AGBL4: variants seen among roughly 807,000 people sequenced by gnomAD.
The protein encoded by AGBL4 is cytosolic carboxypeptidase 6.
In AGBL4, 58 loss-of-function variants were observed where a neutral mutation model predicts 66.4. The observed-to-expected ratio is 0.87, with a 90% CI of 0.71 to 1.09. AGBL4 has a LOEUF of 1.09. Among genes scored for constraint, AGBL4 ranks in the 50% least tolerant of loss-of-function variants. The pLI is 0.00. For missense variants in AGBL4, 579 were observed against 631.0 expected (o/e 0.92, Z 0.88); for synonymous variants, 234 against 222.9 (o/e 1.05, Z -0.44).
At chr1:49,540,239 T>C (rs904902009) in intron 3 of AGBL4, among the ~76,000 whole-genome samples, 1 of 152,236 alleles carries the variant, frequency 6.6e-6, no homozygotes, top group Non-Finnish European at 1.5e-5. Flanking sequence ...ATGTTACAAT[T>C]AGCCAATCTT....
At chr1:49,581,402 A>G (rs934235488) in intron 3 of AGBL4, among the ~76,000 whole-genome samples, 4 of 152,136 alleles carry the variant, frequency 2.6e-5, no homozygotes, top group African/African-American at 9.7e-5. Context: ...TGAGGGCATC[A>G]TATCACCTCA....
intron 1 of AGBL4, among the ~76,000 whole-genome samples, chr1:49,929,201 T>TGG (rs1421483538): frequency 6.6e-6 from 1 of 152,008 alleles, no homozygotes; most frequent in Non-Finnish European, 1.5e-5. Flanking sequence ...AACCACCTAT[T>TGG]GGGTAACAGG....
chr1:48,815,250 T>C (rs1182340290), intron 6 of AGBL4, among the ~76,000 whole-genome samples: 1 of 152,216 alleles, frequency 6.6e-6, no homozygotes, highest in Non-Finnish European at 1.5e-5. Context: ...CTCCAGGGAC[T>C]GATTATTCCA....
intron 11 of AGBL4, among the ~76,000 whole-genome samples, chr1:48,574,433 C>T (rs1432722267): frequency 6.6e-6 from 1 of 152,146 alleles, no homozygotes; most frequent in Non-Finnish European, 1.5e-5. Flanking sequence ...ACACTTTATA[C>T]ACTGATGAAT....
intron 6 of AGBL4, among the ~76,000 whole-genome samples, chr1:48,716,258 C>G (rs932451245): frequency 6.6e-6 from 1 of 152,088 alleles, no homozygotes; most frequent in African/African-American, 2.4e-5. Flanking sequence ...TGGTTTCTTG[C>G]GGTTGAGGAG....
chr1:49,630,884 A>G (rs555654305), intron 3 of AGBL4, among the ~76,000 whole-genome samples: 1 of 152,346 alleles, frequency 6.6e-6, no homozygotes, highest in South Asian at 2.1e-4. Flanking sequence ...TAATCGTTAA[A>G]TAGCTAACCA....
chr1:48,640,183 C>T (rs1444357964), intron 8 of AGBL4, among the ~76,000 whole-genome samples: 1 of 152,136 alleles, frequency 6.6e-6, no homozygotes, highest in African/African-American at 2.4e-5. Flanking sequence ...ACATTAGGAC[C>T]ATTCTAGAAA....
chr1:48,959,949 G>A (rs886432334), intron 5 of AGBL4, among the ~76,000 whole-genome samples: 5 of 152,164 alleles, frequency 3.3e-5, no homozygotes, highest in African/African-American at 1.2e-4. Context: ...AAGCCACTGA[G>A]GGATTCTTAG....
intron 3 of AGBL4, among the ~76,000 whole-genome samples, chr1:49,449,727 A>C (rs534098247): frequency 6.6e-6 from 1 of 152,058 alleles, no homozygotes; most frequent in South Asian, 2.1e-4. Flanking sequence ...CAATTTTTTT[A>C]AATTTCTGGA....
chr1:49,787,510 A>G (rs1337443423), intron 2 of AGBL4, among the ~76,000 whole-genome samples: 2 of 152,108 alleles, frequency 1.3e-5, no homozygotes, highest in African/African-American at 2.4e-5. Flanking sequence ...CTCAAAAAAA[A>G]AAAAAAAAAA....
intron 6 of AGBL4, among the ~76,000 whole-genome samples, chr1:48,758,307 A>G (rs1229462445): frequency 6.6e-6 from 1 of 152,180 alleles, no homozygotes; most frequent in Non-Finnish European, 1.5e-5. Context: ...GCACATTTGC[A>G]TTATTCCTCT....
chr1:49,898,149 C>T (rs986347032), intron 1 of AGBL4, among the ~76,000 whole-genome samples: 2 of 151,886 alleles, frequency 1.3e-5, no homozygotes, highest in East Asian at 1.9e-4. Context: ...GCACAGCAAA[C>T]GAAATAATCA....
chr1:49,891,658 T>A lies in AGBL4; in HGVS notation c.35-40140A>T, dbSNP rs567914979. On this transcript the variant is annotated intron_variant, in intron 1 of 13. Coordinates refer to ENST00000371839, the MANE Select transcript of AGBL4 (RefSeq NM_032785.4). ...AATTACGTTGGTGAAGAAGAGAAAG[T>A]GGTCTAGGCTAATGAACTTGCAATC... Among the ~76,000 whole-genome samples the A allele has an allele frequency of 5.9e-5, 9 of 152,278 alleles. No individual in the cohort carries two copies. The South Asian group carries it at 1.9e-3, about 32-fold the overall frequency.
chr1:49,447,803 T>C (rs900382465), intron 3 of AGBL4, among the ~76,000 whole-genome samples: 1 of 152,192 alleles, frequency 6.6e-6, no homozygotes, highest in African/African-American at 2.4e-5. Context: ...TTCTCCTTCT[T>C]TGCCTCAGGT....
At chr1:48,543,410 CCAT>C (rs1644107471) in intron 11 of AGBL4, among the ~76,000 whole-genome samples, 1 of 151,960 alleles carries the variant, frequency 6.6e-6, no homozygotes, top group African/African-American at 2.4e-5. Flanking sequence ...ATCCATCCAT[CCAT>C]CCATCCATCC....
intron 5 of AGBL4, among the ~76,000 whole-genome samples, chr1:48,884,298 GTTTT>G (rs574316933): frequency 1.2e-4 from 12 of 98,282 alleles, no homozygotes; most frequent in Non-Finnish European, 2.9e-5. Flanking sequence ...TTGTTTGTTT[GTTTT>G]TTTGTTTTGT....
chr1:49,088,041 A>G (rs543490034), intron 4 of AGBL4, among the ~76,000 whole-genome samples: 16 of 152,310 alleles, frequency 1.1e-4, no homozygotes, highest in Non-Finnish European at 1.6e-4. Context: ...TAGTAACACA[A>G]TTGATTACCA....
intron 4 of AGBL4, among the ~76,000 whole-genome samples, chr1:49,136,329 A>C (rs1646010578): frequency 6.6e-6 from 1 of 152,190 alleles, no homozygotes. Flanking sequence ...ACAAAGTCTT[A>C]TTAGTCCCAT....
At chr1:49,771,018 T>G (rs1236836522) in intron 2 of AGBL4, among the ~76,000 whole-genome samples, 1 of 152,128 alleles carries the variant, frequency 6.6e-6, no homozygotes, top group Non-Finnish European at 1.5e-5. Context: ...CTCTGTGAGC[T>G]TTATTATTTC....
Sources: gnomAD v4.1 joint callset for allele counts (sites outside exome capture counted in the v4.1 genomes callset) on GRCh38, gnomAD v4.1.1 for gene constraint, MANE v1.5 for transcripts, NCBI Gene and HGNC (gene_info 2026-07-23, HGNC 2026-07-21) for gene names.